CTDSPL: variants seen among roughly 807,000 people sequenced by gnomAD.
CTDSPL encodes the protein CTD small phosphatase like, also known as CTD small phosphatase-like protein.
Under a neutral mutation model 30.5 loss-of-function variants are expected in CTDSPL, and 8 were observed. The ratio of observed to expected loss-of-function variants is 0.26; its 90% confidence interval spans 0.15 to 0.47. CTDSPL has a LOEUF of 0.47. Ranked by LOEUF, CTDSPL falls within the 20% of genes least tolerant of loss-of-function variation. CTDSPL has a pLI of 0.99. For missense variants in CTDSPL, 248 were observed against 366.1 expected, an observed-to-expected ratio of 0.68 and a Z score of 2.63; for synonymous variants, 110 against 137.9, an observed-to-expected ratio of 0.80 and a Z score of 1.42.
chr3:37,864,433 G>C (rs1398772321), intron 1 of CTDSPL, among the ~76,000 whole-genome samples: 1 of 152,068 alleles, frequency 6.6e-6, no homozygotes, highest in African/African-American at 2.4e-5. Context: ...AGCCTATTTT[G>C]TTTGCCAGTG....
At chr3:37,897,175 G>C (rs1698398653) in intron 1 of CTDSPL, among the ~76,000 whole-genome samples, 1 of 152,144 alleles carries the variant, frequency 6.6e-6, no homozygotes. Context: ...TCGATATTCA[G>C]AGTGTCAGAA....
At chr3:37,970,670 A>ACCC (rs1699356747) in intron 5 of CTDSPL, among the ~76,000 whole-genome samples, 1 of 151,872 alleles carries the variant, frequency 6.6e-6, no homozygotes. Flanking sequence ...CCTCACTGCT[A>ACCC]CCCCCTGGCC....
At chr3:37,878,946 G>A (rs1698169938) in intron 1 of CTDSPL, among the ~76,000 whole-genome samples, 1 of 152,166 alleles carries the variant, frequency 6.6e-6, no homozygotes, top group Non-Finnish European at 1.5e-5. Context: ...TAAGGGAGTT[G>A]CATGTCACTA....
chr3:37,896,299 G>A (rs547880895), intron 1 of CTDSPL, among the ~76,000 whole-genome samples: 11 of 152,270 alleles, frequency 7.2e-5, no homozygotes, highest in African/African-American at 2.4e-4. Flanking sequence ...GAGGAGCCAC[G>A]GAGGCTGCAT....
chr3:37,947,579 GAAAA>G (rs1699054615), intron 2 of CTDSPL, among the ~76,000 whole-genome samples: 1 of 152,014 alleles, frequency 6.6e-6, no homozygotes, highest in Non-Finnish European at 1.5e-5. Context: ...AAAACAAAAA[GAAAA>G]GAATATGTGA....
chr3:37,965,764 G>A (rs1307644703), intron 4 of CTDSPL, among the ~76,000 whole-genome samples: 1 of 152,198 alleles, frequency 6.6e-6, no homozygotes, highest in Non-Finnish European at 1.5e-5. Context: ...TTTCTGGTAG[G>A]ACAAAGCCAG....
chr3:37,886,119 GA>G (rs939786537), intron 1 of CTDSPL, among the ~76,000 whole-genome samples: 2 of 152,194 alleles, frequency 1.3e-5, no homozygotes, highest in African/African-American at 4.8e-5. Context: ...AGGGCTGCCT[GA>G]ACCCCACCCT....
intron 1 of CTDSPL, among the ~76,000 whole-genome samples, chr3:37,921,321 C>T (rs979465709): frequency 6.6e-6 from 1 of 152,180 alleles, no homozygotes; most frequent in African/African-American, 2.4e-5. Flanking sequence ...CTGTGCCTGG[C>T]TGGCCTTCAC....
At chr3:37,867,693 C>T (rs1041183958) in intron 1 of CTDSPL, among the ~76,000 whole-genome samples, 1 of 152,106 alleles carries the variant, frequency 6.6e-6, no homozygotes, top group African/African-American at 2.4e-5. Context: ...AAAAATAATA[C>T]AGAGAGGTCC....
At chr3:37,956,070 G>C (rs918254612) in intron 2 of CTDSPL, among the ~76,000 whole-genome samples, 4 of 152,190 alleles carry the variant, frequency 2.6e-5, no homozygotes, top group African/African-American at 9.7e-5. Flanking sequence ...AGACAAGCCG[G>C]AAATCTGAAA....
At chr3:37,889,760 A>G (rs1440485200) in intron 1 of CTDSPL, among the ~76,000 whole-genome samples, 2 of 152,206 alleles carry the variant, frequency 1.3e-5, no homozygotes, top group Non-Finnish European at 2.9e-5. Flanking sequence ...GGAGGGGGAA[A>G]ACTTGTCCCA....
At chr3:37,897,524 G>C (rs911576905) in intron 1 of CTDSPL, among the ~76,000 whole-genome samples, 1 of 152,112 alleles carries the variant, frequency 6.6e-6, no homozygotes, top group Admixed American at 6.5e-5. Context: ...ATCTCTTACT[G>C]TATGAGTTTT....
rs1559636073 is a variant in CTDSPL, at chr3:37,927,707, A to ATATATAT, written c.80-19350_80-19349insTATATAT. The stretch of plus-strand genomic sequence containing the variant: ...GTGTATATATATATATATATATATA[A>ATATATAT]AAAATGAAATCTACCCTCTTAAGTT... On this transcript the variant is annotated intron_variant, in intron 1 of 7. Transcript: ENST00000273179. Among the ~76,000 whole-genome samples the ATATATAT allele has an allele frequency of 7.2e-3, 974 of 134,608 alleles. 12 individuals carry two copies. Among genetic ancestry groups the ATATATAT allele is most frequent in the African/African-American group, 0.015 (490 of 32,416 alleles). 88.3% of individuals were successfully genotyped at this position (134,608 alleles called of 152,430 possible).
rs914766591 is a variant in CTDSPL, at chr3:37,975,959, A to G, written c.705+65A>G. On this transcript the variant is annotated intron_variant, in intron 7 of 7. Coordinates refer to ENST00000273179, the MANE Select transcript of CTDSPL (RefSeq NM_001008392.2). This position sits in a 1 kb window ranked among gnomAD's most constrained non-coding sequence, Gnocchi z 4.9. ...GAGCCCTCTGTCTTGCCAGGCAGGT[A>G]CCACTTTTGAGCACCTACACAAGAA... 6.5e-7 allele frequency: 1 copy of G among 1,538,488 alleles called. No homozygotes were observed. Among genetic ancestry groups the G allele is most frequent in the Non-Finnish European group, 8.9e-7 (1 of 1,128,756 alleles).
intron 1 of CTDSPL, among the ~76,000 whole-genome samples, chr3:37,918,256 G>T (rs1048879225): frequency 3.4e-5 from 5 of 145,158 alleles, no homozygotes; most frequent in Admixed American, 1.3e-4. Flanking sequence ...CTTTATTAAA[G>T]AACTCAAAAA....
intron 1 of CTDSPL, among the ~76,000 whole-genome samples, chr3:37,887,410 A>G (rs1486590838): frequency 6.6e-6 from 1 of 152,114 alleles, no homozygotes; most frequent in Admixed American, 6.5e-5. Flanking sequence ...CTGGGCCAGG[A>G]TTAGGAGGTA....
intron 1 of CTDSPL, among the ~76,000 whole-genome samples, chr3:37,863,976 C>T (rs576812725): frequency 6.6e-6 from 1 of 152,316 alleles, no homozygotes; most frequent in South Asian, 2.1e-4. Flanking sequence ...CCGTATTTCT[C>T]TGGGACCCAA....
intron 3 of CTDSPL, among the ~76,000 whole-genome samples, chr3:37,959,733 T>C (rs79496118): frequency 1.3e-3 from 194 of 152,356 alleles, no homozygotes; most frequent in Non-Finnish European, 2.3e-3. Context: ...GTGATCAGTT[T>C]CTATTTGTGG....
rs1228065432 is a variant in CTDSPL, at chr3:37,862,355, G to C, written c.79+77G>C. 5.5e-6 allele frequency: 7 copies of C among 1,283,840 alleles called. No individual in the cohort carries two copies. The highest frequency in any genetic ancestry group is 1.7e-5 in the South Asian group (1 of 59,976). The allele number at this position is 1,283,840 out of a possible 1,614,324, so 79.5% of individuals were successfully genotyped here. A position where few individuals can be genotyped will look rare whatever the true frequency, so the allele number is the denominator to read the frequency against. Reference sequence around the variant, plus strand: ...CCGCTGGAGTTCACTGCCGGGCGCCGGCATGGGCCTGGGGGAGGGGTGCAC... The same window carrying C: ...CCGCTGGAGTTCACTGCCGGGCGCCCGCATGGGCCTGGGGGAGGGGTGCAC... On this transcript the variant is annotated intron_variant, in intron 1 of 7. Transcript: ENST00000273179. The surrounding 1 kb of genome is among the most constrained non-coding windows in gnomAD (Gnocchi z 4.3).
Sources: gnomAD v4.1 joint callset for allele counts (sites outside exome capture counted in the v4.1 genomes callset) on GRCh38, gnomAD v4.1.1 for gene constraint, Gnocchi (gnomAD v3.1) non-coding constraint, MANE v1.5 for transcripts, NCBI Gene and HGNC (gene_info 2026-07-23, HGNC 2026-07-21) for gene names.